Variants in VPS8 observed in about 807,000 individuals in gnomAD.
VPS8 encodes the protein vacuolar protein sorting-associated protein 8 homolog.
In VPS8, 129 loss-of-function variants were observed where a neutral mutation model predicts 216.4. The observed-to-expected ratio is 0.60, with a 90% CI of 0.52 to 0.69. The LOEUF is 0.69. VPS8 is among the 30% of genes least tolerant of loss of function. The pLI, the probability that VPS8 is intolerant of heterozygous loss-of-function variation, is 0.00. For synonymous variants in VPS8, 571 were observed against 565.4 expected (o/e 1.01, Z -0.14); for missense variants, 1,531 against 1,683.5 (o/e 0.91, Z 1.59).
chr3:184,943,214 T>C (rs1560793402), intron 36 of VPS8, among the ~76,000 whole-genome samples: 1 of 152,250 alleles, frequency 6.6e-6, no homozygotes, highest in Non-Finnish European at 1.5e-5. Flanking sequence ...GTTTCTGTAT[T>C]GTATGGCCCC....
rs1742415661 is a variant in VPS8, at chr3:184,940,259, T to G, written c.3035+16T>G. 1 of 1,270,938 alleles carries G rather than the reference T, an allele frequency of 7.9e-7. No individual in the cohort carries two copies. Among genetic ancestry groups the G allele is most frequent in the Admixed American group, 3.0e-5 (1 of 33,066 alleles). The allele number at this position is 1,270,938 out of a possible 1,614,324, so 78.7% of individuals were successfully genotyped here. A position where few individuals can be genotyped will look rare whatever the true frequency, so the allele number is the denominator to read the frequency against. On this transcript the variant is annotated intron_variant, in intron 36 of 47. Transcript: ENST00000625842. Reference sequence around the variant, plus strand: ...TTGACCCAAGGTATGTTGACAAACTTTAGTCTTTCATTATATATATATATA... The same window carrying G: ...TTGACCCAAGGTATGTTGACAAACTGTAGTCTTTCATTATATATATATATA...
chr3:184,903,905 T>G (rs1251498975), intron 25 of VPS8, among the ~76,000 whole-genome samples: 1 of 152,196 alleles, frequency 6.6e-6, no homozygotes, highest in Non-Finnish European at 1.5e-5. Context: ...TTCATTTTAT[T>G]TAGGTCTTCA....
At chr3:184,988,538 A>G (rs1365062369) in intron 42 of VPS8, among the ~76,000 whole-genome samples, 4 of 152,164 alleles carry the variant, frequency 2.6e-5, no homozygotes, top group African/African-American at 9.7e-5. Flanking sequence ...CTTCACCAAT[A>G]CCAACACTGT....
At chr3:184,993,618 A>G (rs1038998517) in intron 42 of VPS8, among the ~76,000 whole-genome samples, 6 of 152,182 alleles carry the variant, frequency 3.9e-5, no homozygotes, top group Admixed American at 3.3e-4. Context: ...GTTGTTGGAC[A>G]GATTCTGGGT....
intron 46 of VPS8, among the ~76,000 whole-genome samples, chr3:185,032,944 G>A (rs1362934468): frequency 6.6e-6 from 1 of 152,204 alleles, no homozygotes; most frequent in East Asian, 1.9e-4. Flanking sequence ...TGGGATTACA[G>A]GCGTGAGCCA....
At chr3:184,889,887 T>C (rs1266099628) in intron 22 of VPS8, among the ~76,000 whole-genome samples, 1 of 152,230 alleles carries the variant, frequency 6.6e-6, no homozygotes, top group Non-Finnish European at 1.5e-5. Flanking sequence ...TGATCAACTT[T>C]AATTGTTTGC....
At chr3:184,870,518 G>T (rs1172285578) in intron 20 of VPS8, among the ~76,000 whole-genome samples, 198 bp from the exon 21 acceptor site, 2 of 152,170 alleles carry the variant, frequency 1.3e-5, no homozygotes, top group Non-Finnish European at 2.9e-5. Flanking sequence ...TCTTAAGAAA[G>T]ATTAGCAAAT....
intron 40 of VPS8, among the ~76,000 whole-genome samples, chr3:184,982,165 G>A (rs951142649): frequency 1.3e-5 from 2 of 152,094 alleles, no homozygotes; most frequent in Non-Finnish European, 2.9e-5. Flanking sequence ...ATTTCTTTAT[G>A]CAGCAATAGT....
rs1347534684 is a variant in VPS8, at chr3:185,024,372, G to A, written c.4039G>A (p.Asp1347Asn). Residue 1347 changes from aspartate (D) to asparagine (N), a missense_variant, in exon 46 of 48, where the codon GAT becomes AAT. Coordinates refer to ENST00000625842, the MANE Select transcript of VPS8 (RefSeq NM_001009921.3). ...MSPSYHQSKGDPTAKKGTSEP... is the reference protein window; with the variant it reads ...MSPSYHQSKGNPTAKKGTSEP... The stretch of plus-strand genomic sequence containing the variant: ...TCCATCGTATCATCAGTCCAAAGGG[G>A]ATCCCACTGCTAAAAAGGTGAGTTT... The A allele has an allele frequency of 6.3e-7, 1 of 1,598,514 alleles. No individual in the cohort carries two copies. The highest frequency in any genetic ancestry group is 8.5e-7 in the Non-Finnish European group (1 of 1,171,796).
Position 184,876,009 on chromosome 3 carries a change from G to A in VPS8, c.1734+5204G>A, listed in dbSNP as rs1048394753. ...TGTCTCAAAAAAAAAAAAAAGAGTT[G>A]TCTCCATTTCCTTACCTCCTTCTCA... is the stretch of plus-strand genomic sequence containing the variant. On this transcript the variant is annotated intron_variant, in intron 21 of 47. Coordinates refer to ENST00000625842, the MANE Select transcript of VPS8 (RefSeq NM_001009921.3). 1.6e-4 allele frequency among the ~76,000 whole-genome samples: 24 copies of A among 150,754 alleles called. 1 individual carries two copies. The Middle Eastern group carries it at 0.014, about 87-fold the overall frequency.
chr3:184,845,696 G>A (rs1180492530), intron 8 of VPS8, among the ~76,000 whole-genome samples: 2 of 151,400 alleles, frequency 1.3e-5, no homozygotes, highest in South Asian at 2.1e-4. Flanking sequence ...CAGAGGTTGC[G>A]GTGAGCCCAG....
At chr3:184,944,786 G>T (rs553189806) in intron 36 of VPS8, among the ~76,000 whole-genome samples, 183 of 152,256 alleles carry the variant, frequency 1.2e-3, no homozygotes, top group African/African-American at 4.1e-3. Flanking sequence ...TTAAGAAAAT[G>T]AGTAACTTTG....
At position 184,964,495 on chromosome 3, in the gene VPS8, G is replaced by GTC; in HGVS notation, c.3212_3213dup (p.Thr1072SerfsTer17). 1 of 1,514,090 alleles carries GTC rather than the reference G, an allele frequency of 6.6e-7. No individual in the cohort carries two copies. The highest frequency in any genetic ancestry group is 8.9e-7 in the Non-Finnish European group (1 of 1,125,596). The allele number at this position is 1,514,090 out of a possible 1,614,324, so 93.8% of individuals were successfully genotyped here. A position where few individuals can be genotyped will look rare whatever the true frequency, so the allele number is the denominator to read the frequency against. ...TACTCAGAAGTATCAACTTCATGAA[G>GTC]TCACCGCTTATCTATTGGAAAAGAA... is the stretch of plus-strand genomic sequence containing the variant. On this transcript the variant is annotated frameshift_variant, in exon 38 of 48. Transcript: ENST00000625842. LOFTEE classifies it high-confidence loss of function.
intron 23 of VPS8, 143 bp downstream of exon 23, chr3:184,895,068 T>C: frequency 1.5e-6 from 1 of 687,310 alleles, no homozygotes; most frequent in Non-Finnish European, 2.4e-6. Context: ...TATTATAAAC[T>C]TGTATTTGTC....
At chr3:184,955,279 G>C (rs1745385239) in intron 36 of VPS8, among the ~76,000 whole-genome samples, 1 of 152,120 alleles carries the variant, frequency 6.6e-6, no homozygotes, top group Admixed American at 6.6e-5. Context: ...CCGTACTCCT[G>C]GTTCCTCTTT....
intron 40 of VPS8, among the ~76,000 whole-genome samples, chr3:184,972,016 C>T (rs1379336057): frequency 2.0e-5 from 3 of 151,092 alleles, no homozygotes; most frequent in Non-Finnish European, 4.4e-5. Flanking sequence ...GCGGAGGTTG[C>T]GTTGAGCTGA....
chr3:184,812,584 C>G (rs533670939), intron 1 of VPS8: 6 of 152,250 alleles, frequency 3.9e-5, no homozygotes, highest in Non-Finnish European at 7.3e-5. Flanking sequence ...TCCAGTGACT[C>G]CGGTGATGTA....
intron 7 of VPS8, among the ~76,000 whole-genome samples, chr3:184,842,209 A>AAAAAAAAAAAAAAAAAAAG (rs1553828675): frequency 6.7e-6 from 1 of 149,378 alleles, no homozygotes; most frequent in East Asian, 2.0e-4. Context: ...AAAAAAAAAA[A>AAAAAAAAAAAAAAAAAAAG]GAATATGTGA....
chr3:184,819,108 G>C (rs1240248357), intron 1 of VPS8, among the ~76,000 whole-genome samples: 1 of 152,030 alleles, frequency 6.6e-6, no homozygotes, highest in African/African-American at 2.4e-5. Context: ...TGTTTATATG[G>C]CGCATATCTT....
Sources: gnomAD v4.1 joint callset for allele counts (sites outside exome capture counted in the v4.1 genomes callset) on GRCh38, gnomAD v4.1.1 for gene constraint, MANE v1.5 for transcripts, NCBI Gene and HGNC (gene_info 2026-07-23, HGNC 2026-07-21) for gene names.